Variants in WDR35 observed in about 807,000 individuals in gnomAD.
The protein encoded by WDR35 is WD repeat domain 35.
In WDR35, 118 loss-of-function variants were observed where a neutral mutation model predicts 158.3. The observed-to-expected ratio is 0.75, with a 90% CI of 0.64 to 0.87. The LOEUF is 0.87. Among genes scored for constraint, WDR35 ranks in the 40% least tolerant of loss-of-function variants. The pLI, the probability that WDR35 is intolerant of heterozygous loss-of-function variation, is 0.00. For missense variants in WDR35, 1,263 were observed against 1,405.8 expected, an observed-to-expected ratio of 0.90 and a Z score of 1.62; for synonymous variants, 448 against 476.1, an observed-to-expected ratio of 0.94 and a Z score of 0.77.
In WDR35 at chr2:19,932,363, C is replaced by T; in HGVS notation, c.2743G>A (p.Glu915Lys). Reference protein sequence around the residue: ...LLARYASHLLEKNKTLDAIEL... With the variant: ...LLARYASHLLKKNKTLDAIEL... The stretch of plus-strand genomic sequence containing the variant: ...ATGGCATCAAGAGTTTTATTCTTTT[C>T]CAGTAAATGAGATGCATACCTAGCT... The change falls in exon 23 of 27, where the codon GAA (glutamate) becomes AAA (lysine). Residue 915 changes from glutamate to lysine, a missense_variant. Glu to Lys is a moderately conservative substitution (Grantham distance 56, BLOSUM62 1). Coordinates refer to ENST00000281405, the MANE Select transcript of WDR35 (RefSeq NM_020779.4). 1.2e-6 allele frequency: 2 copies of T among 1,613,258 alleles called. No individual in the cohort carries two copies. The highest frequency in any genetic ancestry group is 1.1e-5 in the South Asian group (1 of 91,064).
intron 5 of WDR35, 144 bp downstream of exon 5, chr2:19,978,607 T>C: frequency 7.9e-7 from 1 of 1,270,842 alleles, no homozygotes; most frequent in Non-Finnish European, 1.1e-6. Context: ...TTCTTGAATG[T>C]CGTCAAATTG....
chr2:19,937,974 A>C, intron 18 of WDR35, 28 bp from the exon 19 acceptor site: 1 of 1,612,444 alleles, frequency 6.2e-7, no homozygotes. Context: ...CAAAAACATA[A>C]GTGCATATTG....
Position 19,960,589 on chromosome 2 carries a change from A to G in WDR35, c.1220T>C (p.Ile407Thr), listed in dbSNP as rs780584500. The change falls in exon 11 of 27, where the codon ATT (isoleucine) becomes ACT (threonine). Residue 407 changes from isoleucine to threonine, a missense_variant. Transcript: ENST00000281405. ...PQFVLVLCNS[I>T]GTPLDPKYID... ...GTATTTGGGATCCAAGGGTGTACCA[A>G]TAGAATTACAAAGAACTAGTACAAA... is the stretch of plus-strand genomic sequence containing the variant. The G allele has an allele frequency of 1.9e-6, 3 of 1,609,248 alleles. No individual in the cohort carries two copies. The Admixed American group carries it at 5.0e-5, about 27-fold the overall frequency.
At chr2:19,956,745 A>C (rs1671451999) in intron 11 of WDR35, among the ~76,000 whole-genome samples, 1 of 147,136 alleles carries the variant, frequency 6.8e-6, no homozygotes, top group Non-Finnish European at 1.5e-5. Context: ...CTCAGCCTCC[A>C]GTGTAGCTGG....
intron 25 of WDR35, among the ~76,000 whole-genome samples, chr2:19,916,691 G>C (rs953319862): frequency 6.6e-6 from 1 of 152,166 alleles, no homozygotes; most frequent in Admixed American, 6.5e-5. Flanking sequence ...CTCCTCTCTG[G>C]GCAGGACACC....
chr2:19,940,169 C>T (rs1216270509), intron 17 of WDR35, among the ~76,000 whole-genome samples: 1 of 118,568 alleles, frequency 8.4e-6, no homozygotes, highest in Non-Finnish European at 1.7e-5. Flanking sequence ...CCTTGACCAA[C>T]ATGGCAAACC....
chr2:19,969,401 G>C (rs1437068973), intron 9 of WDR35, 79 bp downstream of exon 9: 1 of 1,472,784 alleles, frequency 6.8e-7, no homozygotes, highest in Non-Finnish European at 9.3e-7. Flanking sequence ...AAACAAGACA[G>C]CTTTGAATAT....
At chr2:19,944,349 C>T (rs1317969452) in intron 16 of WDR35, among the ~76,000 whole-genome samples, 1 of 152,134 alleles carries the variant, frequency 6.6e-6, no homozygotes, top group African/African-American at 2.4e-5. Flanking sequence ...GAAACTCTTT[C>T]CACCAGGCAA....
At chr2:19,955,513 T>C (rs763023125) in intron 11 of WDR35, among the ~76,000 whole-genome samples, 1 of 152,162 alleles carries the variant, frequency 6.6e-6, no homozygotes, top group Non-Finnish European at 1.5e-5. Flanking sequence ...TAGAACAATT[T>C]GCCCAAGGTC....
chr2:19,934,863 T>TC lies in WDR35; in HGVS notation c.2547+607dup, dbSNP rs1289427167. 1.3e-5 allele frequency among the ~76,000 whole-genome samples: 2 copies of TC among 152,190 alleles called. No homozygotes were observed. The highest frequency in any genetic ancestry group is 1.3e-4 in the Admixed American group (2 of 15,270). On this transcript the variant is annotated intron_variant, in intron 21 of 26. Transcript: ENST00000281405. This position sits in a 1 kb window ranked among gnomAD's most constrained non-coding sequence, Gnocchi z 4.6. ...ATAGGCAAAATTTTTGAAGCAGAAC[T>TC]CACAACTGATATACATCCAGACTCT...
rs1276450574 is a variant in WDR35 at position 19,989,836 on chromosome 2, G to A, written c.24+156C>T. The stretch of plus-strand genomic sequence containing the variant: ...ACTGAGGCTCTGGGAACCGCAGGAA[G>A]AGGTCGGAGGCTGGACCCGGCGGGA... On this transcript the variant is annotated intron_variant, in intron 1 of 26. Transcript: ENST00000281405. 3.9e-5 allele frequency among the ~76,000 whole-genome samples: 6 copies of A among 152,248 alleles called. No homozygotes were observed. In the East Asian group the frequency reaches 1.2e-3, roughly 29 times the overall value.
chr2:19,939,003 C>T (rs1325624221), intron 17 of WDR35, among the ~76,000 whole-genome samples: 1 of 152,136 alleles, frequency 6.6e-6, no homozygotes, highest in Non-Finnish European at 1.5e-5. Flanking sequence ...CCACTGAGAG[C>T]CTTCTTTATC....
At chr2:19,985,771 C>T (rs1672545734) in intron 2 of WDR35, among the ~76,000 whole-genome samples, 1 of 150,880 alleles carries the variant, frequency 6.6e-6, no homozygotes, top group South Asian at 2.1e-4. Flanking sequence ...GTGGCACGCA[C>T]CTGTAATCCC....
At chr2:19,940,723 T>A (rs1670845626) in intron 17 of WDR35, among the ~76,000 whole-genome samples, 1 of 152,108 alleles carries the variant, frequency 6.6e-6, no homozygotes, top group African/African-American at 2.4e-5. Flanking sequence ...CATAAGCCCC[T>A]ATCCATTAAA....
chr2:19,960,484 G>T, intron 11 of WDR35, 70 bp downstream of exon 11: 1 of 1,256,358 alleles, frequency 8.0e-7, no homozygotes, highest in Non-Finnish European at 1.1e-6. Flanking sequence ...TAATACCAGT[G>T]TTAGGTTTTT....
intron 16 of WDR35, among the ~76,000 whole-genome samples, chr2:19,942,457 T>G (rs890876661): frequency 6.6e-6 from 1 of 152,178 alleles, no homozygotes; most frequent in Non-Finnish European, 1.5e-5. Context: ...CTTATCTTAG[T>G]GTTATACAGG....
At chr2:19,969,360 C>T in intron 9 of WDR35, 120 bp downstream of exon 9, 2 of 1,094,004 alleles carry the variant, frequency 1.8e-6, no homozygotes, top group South Asian at 3.2e-5. Context: ...AAAATCTTCA[C>T]ACAAAAAGGC....
At chr2:19,967,827 G>A (rs1671906283) in intron 9 of WDR35, among the ~76,000 whole-genome samples, 1 of 151,866 alleles carries the variant, frequency 6.6e-6, no homozygotes, top group Admixed American at 6.6e-5. Flanking sequence ...ACTTTACCAT[G>A]GTACATTTGT....
At chr2:19,982,434 C>CATGACTTAA (rs368701465) in intron 3 of WDR35, 29 bp downstream of exon 3, 33 of 1,607,282 alleles carry the variant, frequency 2.1e-5, no homozygotes, top group African/African-American at 2.0e-4. Context: ...ACCACTCAAA[C>CATGACTTAA]ATGACTTAAA....
Sources: allele counts gnomAD v4.1 joint callset (sites outside exome capture counted in the v4.1 genomes callset), GRCh38; gene constraint gnomAD v4.1.1; non-coding constraint Gnocchi (gnomAD v3.1); transcripts MANE v1.5; gene names NCBI Gene and HGNC (gene_info 2026-07-23, HGNC 2026-07-21).